The following PTPRO variants were observed in gnomAD, a reference collection of about 807,000 sequenced individuals.
PTPRO encodes receptor-type tyrosine-protein phosphatase O.
Under a neutral mutation model 145.2 loss-of-function variants are expected in PTPRO, and 62 were observed. That is an observed-to-expected ratio of 0.43 (90% CI 0.35 to 0.53). The LOEUF is 0.53. Ranked by LOEUF, PTPRO falls within the 20% of genes least tolerant of loss-of-function variation. The pLI, the probability that PTPRO is intolerant of heterozygous loss-of-function variation, is 0.01. For synonymous variants in PTPRO, 565 were observed against 514.7 expected, an observed-to-expected ratio of 1.10 and a Z score of -1.32; for missense variants, 1,345 against 1,482.7, an observed-to-expected ratio of 0.91 and a Z score of 1.53.
chr12:15,378,606 C>A (rs1441928103), intron 1 of PTPRO, among the ~76,000 whole-genome samples: 1 of 152,004 alleles, frequency 6.6e-6, no homozygotes, highest in East Asian at 1.9e-4. Flanking sequence ...ATGAATTCTA[C>A]CAAACATTTA....
At chr12:15,518,759 A>G (rs1942651970) in intron 9 of PTPRO, among the ~76,000 whole-genome samples, 1 of 152,074 alleles carries the variant, frequency 6.6e-6, no homozygotes, top group African/African-American at 2.4e-5. Flanking sequence ...AACAAGAATC[A>G]CCTTTGCTCC....
At chr12:15,337,762 T>C (rs543874100) in intron 1 of PTPRO, among the ~76,000 whole-genome samples, 2 of 152,320 alleles carry the variant, frequency 1.3e-5, no homozygotes, top group Middle Eastern at 3.4e-3. Flanking sequence ...TTGATACACA[T>C]AGCCACTTAA....
chr12:15,514,518 T>C (rs1309852388), intron 7 of PTPRO, among the ~76,000 whole-genome samples: 3 of 150,194 alleles, frequency 2.0e-5, no homozygotes, highest in Non-Finnish European at 3.0e-5. Context: ...AAATGTTCTC[T>C]ACAATATTAT....
At chr12:15,412,900 T>G (rs1339078857) in intron 1 of PTPRO, among the ~76,000 whole-genome samples, 1 of 152,210 alleles carries the variant, frequency 6.6e-6, no homozygotes, top group Non-Finnish European at 1.5e-5. Context: ...TTCAAGTTAT[T>G]CTCCTGCCTC....
At chr12:15,409,320 C>T (rs1939730991) in intron 1 of PTPRO, among the ~76,000 whole-genome samples, 1 of 152,104 alleles carries the variant, frequency 6.6e-6, no homozygotes, top group Non-Finnish European at 1.5e-5. Flanking sequence ...ATATGTTGGT[C>T]CCGTCTGCTG....
chr12:15,356,994 C>G (rs149220374), intron 1 of PTPRO, among the ~76,000 whole-genome samples: 1 of 152,076 alleles, frequency 6.6e-6, no homozygotes, highest in East Asian at 1.9e-4. Flanking sequence ...TATCCCTGCA[C>G]GCAGCCACTG....
chr12:15,492,413 GA>G (rs1490211485), intron 2 of PTPRO, among the ~76,000 whole-genome samples: 7 of 151,846 alleles, frequency 4.6e-5, no homozygotes, highest in East Asian at 1.9e-4. Flanking sequence ...GAATTAGTGG[GA>G]AAAAAAATTG....
intron 1 of PTPRO, among the ~76,000 whole-genome samples, chr12:15,373,800 A>C (rs1938600894): frequency 6.6e-6 from 1 of 152,172 alleles, no homozygotes; most frequent in South Asian, 2.1e-4. Flanking sequence ...ATAAGAACAA[A>C]GATTATCAAA....
chr12:15,454,270 G>C (rs904117514), intron 1 of PTPRO, among the ~76,000 whole-genome samples: 6 of 152,162 alleles, frequency 3.9e-5, no homozygotes, highest in African/African-American at 1.4e-4. Context: ...GTTGTGCAAT[G>C]ATAAGTCACT....
At chr12:15,381,419 C>T (rs1048023385) in intron 1 of PTPRO, among the ~76,000 whole-genome samples, 1 of 152,058 alleles carries the variant, frequency 6.6e-6, no homozygotes, top group Admixed American at 6.6e-5. Context: ...TTTCTATATC[C>T]CTAGTACAGC....
intron 7 of PTPRO, among the ~76,000 whole-genome samples, chr12:15,514,386 AG>A (rs1668061369): frequency 7.2e-6 from 1 of 138,858 alleles, no homozygotes; most frequent in South Asian, 2.4e-4. Flanking sequence ...CGGGAGGTGG[AG>A]GTTGCAGTGA....
At chr12:15,484,959 A>G (rs1001884472) in intron 2 of PTPRO, among the ~76,000 whole-genome samples, 19 of 152,104 alleles carry the variant, frequency 1.2e-4, no homozygotes, top group African/African-American at 4.6e-4. Flanking sequence ...TGGAAGAAAA[A>G]CTGATATCTG....
intron 1 of PTPRO, among the ~76,000 whole-genome samples, chr12:15,384,474 C>T (rs563613718): frequency 6.6e-6 from 1 of 152,128 alleles, no homozygotes; most frequent in African/African-American, 2.4e-5. Flanking sequence ...CTAGCCAGAG[C>T]TCTCATCCTA....
At chr12:15,572,631 A>G in intron 19 of PTPRO, among the ~76,000 whole-genome samples, 1 of 145,154 alleles carries the variant, frequency 6.9e-6, no homozygotes, top group East Asian at 2.1e-4. Flanking sequence ...AAAATGAAAT[A>G]CCATTTTTTT....
chr12:15,415,664 C>G (rs566907901), intron 1 of PTPRO, among the ~76,000 whole-genome samples: 1 of 151,876 alleles, frequency 6.6e-6, no homozygotes, highest in East Asian at 1.9e-4. Context: ...GGATTACAGG[C>G]GTGAGCCACT....
chr12:15,524,175 A>C (rs1942788264), intron 10 of PTPRO, among the ~76,000 whole-genome samples: 1 of 151,514 alleles, frequency 6.6e-6, no homozygotes, highest in African/African-American at 2.4e-5. Context: ...AAAAAAAAAA[A>C]AACTTGTTCT....
chr12:15,370,519 AT>A (rs1938494569), intron 1 of PTPRO, among the ~76,000 whole-genome samples: 1 of 152,210 alleles, frequency 6.6e-6, no homozygotes, highest in African/African-American at 2.4e-5. Context: ...AAGGCATAGA[AT>A]TTTAATCTCC....
At chr12:15,445,724 T>A (rs902478076) in intron 1 of PTPRO, among the ~76,000 whole-genome samples, 4 of 152,150 alleles carry the variant, frequency 2.6e-5, no homozygotes, top group African/African-American at 9.7e-5. Flanking sequence ...AGAAAAAAAA[T>A]TACTTCATTA....
intron 1 of PTPRO, among the ~76,000 whole-genome samples, chr12:15,465,977 A>G (rs1941406257): frequency 6.6e-6 from 1 of 152,196 alleles, no homozygotes; most frequent in Non-Finnish European, 1.5e-5. Flanking sequence ...GATACTTAGA[A>G]TGCACCCAGC....
Sources: gnomAD v4.1 joint callset for allele counts (sites outside exome capture counted in the v4.1 genomes callset) on GRCh38, gnomAD v4.1.1 for gene constraint, MANE v1.5 for transcripts, NCBI Gene and HGNC (gene_info 2026-07-23, HGNC 2026-07-21) for gene names.